DPH6: variants seen among roughly 807,000 people sequenced by gnomAD.
The protein encoded by DPH6 is diphthamine biosynthesis 6.
A neutral mutation model predicts 38.2 loss-of-function variants in DPH6; 33 were observed. That is an observed-to-expected ratio of 0.86 (90% CI 0.65 to 1.15). The LOEUF is 1.15. Ranked by LOEUF, DPH6 falls within the 50% of genes most tolerant of loss-of-function variation. The pLI is 0.00. For synonymous variants in DPH6, 108 were observed against 103.0 expected (o/e 1.05, Z -0.30); for missense variants, 325 against 320.0 (o/e 1.02, Z -0.12).
At chr15:35,513,914 T>C (rs991552413) in intron 3 of DPH6, among the ~76,000 whole-genome samples, 1 of 152,070 alleles carries the variant, frequency 6.6e-6, no homozygotes, top group Non-Finnish European at 1.5e-5. Flanking sequence ...ATTTTTCCCT[T>C]AAATTTTCAT....
Position 35,451,959 on chromosome 15 carries a change from G to A in DPH6, c.387-1156C>T, listed in dbSNP as rs529210270. Among the ~76,000 whole-genome samples the A allele has an allele frequency of 3.9e-5, 6 of 152,244 alleles. No individual in the cohort carries two copies. In the East Asian group the frequency reaches 9.7e-4, roughly 25 times the overall value. ...TGGGAGGCGGAGCTTGCCGTAAGCC[G>A]AGATTGCGCCGCTGCACTCCAGCCT... is the stretch of plus-strand genomic sequence containing the variant. On this transcript the variant is annotated intron_variant, in intron 4 of 8. Transcript: ENST00000256538.
chr15:35,410,766 T>C, intron 6 of DPH6, 69 bp downstream of exon 6: 2 of 1,296,558 alleles, frequency 1.5e-6, no homozygotes, highest in Admixed American at 2.4e-5. Context: ...TTTTTAATCA[T>C]TGTATCACAG....
chr15:35,471,459 T>G (rs79391602), intron 3 of DPH6, among the ~76,000 whole-genome samples: 5 of 152,166 alleles, frequency 3.3e-5, no homozygotes, highest in African/African-American at 1.2e-4. Context: ...CTCCCTCCAA[T>G]TGATACAACT....
chr15:35,285,226 C>T (rs2051932718), intron 3 of DPH6, among the ~76,000 whole-genome samples: 1 of 152,104 alleles, frequency 6.6e-6, no homozygotes, highest in Admixed American at 6.6e-5. Flanking sequence ...TTTTCCAGTA[C>T]CAATAACTTT....
chr15:35,521,853 A>G, intron 3 of DPH6: 2 of 1,346,272 alleles, frequency 1.5e-6, no homozygotes, highest in Non-Finnish European at 1.9e-6. Context: ...AAGCAAAGTG[A>G]TTAGCAGTCA....
intron 3 of DPH6, among the ~76,000 whole-genome samples, chr15:35,461,216 T>C (rs2054063273): frequency 6.6e-6 from 1 of 152,214 alleles, no homozygotes; most frequent in African/African-American, 2.4e-5. Flanking sequence ...TTCGAATAGC[T>C]GGGACTACAG....
Position 35,373,607 on chromosome 15 carries a change from C to T in DPH6, c.664G>A (p.Asp222Asn). Residue 222 changes from aspartate to asparagine, a missense_variant and splice_region_variant, in exon 8 of 9, where the codon GAT becomes AAT. Asp to Asn is a conservative substitution (Grantham distance 23). Coordinates refer to ENST00000256538, the MANE Select transcript of DPH6 (RefSeq NM_080650.4). ...GAATGTATGACTACTTCTGATGAAT[C>T]CCTGAAATACAAAAATTTTACAATA... ...CPLFKKKIIV[D>N]SSEVVIHSAD... 1 of 1,601,580 alleles carries T rather than the reference C, an allele frequency of 6.2e-7. No homozygotes were observed. Among genetic ancestry groups the T allele is most frequent in the East Asian group, 2.2e-5 (1 of 44,466 alleles).
chr15:35,449,815 C>A (rs2053908308), intron 5 of DPH6, among the ~76,000 whole-genome samples: 1 of 152,054 alleles, frequency 6.6e-6, no homozygotes, highest in South Asian at 2.1e-4. Flanking sequence ...TGGTATTTAC[C>A]ATGGAGAAAT....
chr15:35,306,233 C>A (rs556660916), intron 3 of DPH6, among the ~76,000 whole-genome samples: 2 of 152,268 alleles, frequency 1.3e-5, no homozygotes, highest in African/African-American at 4.8e-5. Flanking sequence ...TGGAAGTGAG[C>A]TTAAAGTTTA....
chr15:35,335,548 C>G (rs1429030023), intron 3 of DPH6, among the ~76,000 whole-genome samples: 2 of 152,076 alleles, frequency 1.3e-5, no homozygotes. Context: ...AGTCATTAAT[C>G]CATCTTGAGT....
the DPH6 span, among the ~76,000 whole-genome samples, chr15:35,205,368 G>A: frequency 1.3e-5 from 2 of 151,954 alleles, no homozygotes; most frequent in Non-Finnish European, 2.9e-5. Flanking sequence ...CACAACTGCT[G>A]TTATTTTGAC....
chr15:35,163,948 C>G, the DPH6 span, among the ~76,000 whole-genome samples: 540 of 151,924 alleles, frequency 3.6e-3, 4 homozygotes, highest in Middle Eastern at 0.024. Context: ...ACTAAACGCT[C>G]AAATGCCAGC....
intron 3 of DPH6, among the ~76,000 whole-genome samples, chr15:35,354,292 C>T (rs1459886442): frequency 2.6e-5 from 4 of 152,086 alleles, no homozygotes; most frequent in Non-Finnish European, 4.4e-5. Flanking sequence ...TGCCTGATTG[C>T]CCTGGCCAGA....
intron 5 of DPH6, among the ~76,000 whole-genome samples, chr15:35,418,470 G>A (rs2053463747): frequency 1.3e-5 from 2 of 152,066 alleles, no homozygotes; most frequent in South Asian, 4.1e-4. Flanking sequence ...CTTGATGGAA[G>A]CTGGGTGGAT....
chr15:35,481,563 G>T (rs2054327444), intron 3 of DPH6, among the ~76,000 whole-genome samples: 1 of 152,112 alleles, frequency 6.6e-6, no homozygotes. Context: ...ATGTAATGAA[G>T]AGATTACTGT....
At chr15:35,476,669 T>C (rs2054267693) in intron 3 of DPH6, among the ~76,000 whole-genome samples, 1 of 151,912 alleles carries the variant, frequency 6.6e-6, no homozygotes, top group South Asian at 2.1e-4. Flanking sequence ...CTCATCAAGA[T>C]CTATTCTGAC....
chr15:35,215,306 G>A (rs192972276), downstream of DPH6, among the ~76,000 whole-genome samples: 2 of 152,286 alleles, frequency 1.3e-5, no homozygotes, highest in Non-Finnish European at 2.9e-5. Context: ...AGTAATATAT[G>A]ACTCATAAAA....
At chr15:35,193,024 T>C in the DPH6 span, among the ~76,000 whole-genome samples, 4 of 152,354 alleles carry the variant, frequency 2.6e-5, no homozygotes, top group South Asian at 2.1e-4. Flanking sequence ...CAATGAATTA[T>C]ATTCAAAGTT....
the DPH6 span, among the ~76,000 whole-genome samples, chr15:35,189,795 G>T: frequency 6.6e-6 from 1 of 152,204 alleles, no homozygotes; most frequent in African/African-American, 2.4e-5. Flanking sequence ...AGGGGCGGAT[G>T]GTTGAGACTT....
Sources: gnomAD v4.1 joint callset for allele counts (sites outside exome capture counted in the v4.1 genomes callset) on GRCh38, gnomAD v4.1.1 for gene constraint, MANE v1.5 for transcripts, NCBI Gene and HGNC (gene_info 2026-07-23, HGNC 2026-07-21) for gene names.